The following DAB1 variants were observed in gnomAD, a reference collection of about 807,000 sequenced individuals.
DAB1 encodes DAB adaptor protein 1.
In DAB1, 15 loss-of-function variants were observed where a neutral mutation model predicts 64.6. That is an observed-to-expected ratio of 0.23 (90% CI 0.16 to 0.36). DAB1 has a LOEUF of 0.36. Among genes scored for constraint, DAB1 ranks in the 10% least tolerant of loss-of-function variants. DAB1 has a pLI of 1.00. For missense variants in DAB1, 596 were observed against 706.7 expected, an observed-to-expected ratio of 0.84 and a Z score of 1.78; for synonymous variants, 235 against 251.9, an observed-to-expected ratio of 0.93 and a Z score of 0.64.
At chr1:57,575,591 T>C (rs1278386435) in intron 7 of DAB1, among the ~76,000 whole-genome samples, 1 of 152,064 alleles carries the variant, frequency 6.6e-6, no homozygotes, top group African/African-American at 2.4e-5. Context: ...GATAAGACAG[T>C]GAAATGTTGC....
chr1:57,024,592 T>G (rs1178898673), intron 10 of DAB1, among the ~76,000 whole-genome samples: 1 of 152,216 alleles, frequency 6.6e-6, no homozygotes, highest in Non-Finnish European at 1.5e-5. Context: ...CCATTTGGAC[T>G]GCGCTTGGGT....
At chr1:58,303,102 A>G (rs1322616418) in intron 4 of DAB1, among the ~76,000 whole-genome samples, 1 of 152,172 alleles carries the variant, frequency 6.6e-6, no homozygotes, top group Non-Finnish European at 1.5e-5. Flanking sequence ...GGAGGCAGGA[A>G]GAAGTGGCTC....
chr1:57,734,753 CT>C (rs1250266201), intron 6 of DAB1, among the ~76,000 whole-genome samples: 1 of 152,154 alleles, frequency 6.6e-6, no homozygotes, highest in Non-Finnish European at 1.5e-5. Flanking sequence ...CAGTTCAGTT[CT>C]GTGTATATGA....
chr1:57,849,722 T>G (rs1653435812), intron 1 of DAB1, among the ~76,000 whole-genome samples: 1 of 152,196 alleles, frequency 6.6e-6, no homozygotes. Context: ...AAATAATATA[T>G]CCTTTGTGGA....
At chr1:57,872,655 A>G (rs1019866149) in intron 1 of DAB1, among the ~76,000 whole-genome samples, 1 of 152,140 alleles carries the variant, frequency 6.6e-6, no homozygotes, top group African/African-American at 2.4e-5. Flanking sequence ...TGTAACGGAC[A>G]GCTGGCCTTG....
chr1:57,340,229 C>A (rs950669578), intron 1 of DAB1, among the ~76,000 whole-genome samples: 1 of 152,146 alleles, frequency 6.6e-6, no homozygotes, highest in Non-Finnish European at 1.5e-5. Context: ...AAACACCAAA[C>A]AAAAATGCAG....
intron 6 of DAB1, among the ~76,000 whole-genome samples, chr1:57,782,627 AG>A (rs2101846450): frequency 6.6e-6 from 1 of 152,258 alleles, no homozygotes; most frequent in East Asian, 1.9e-4. Context: ...AAGTTGGCAA[AG>A]TTTTTTGTTT....
At chr1:57,935,753 A>C (rs1223833707) in intron 5 of DAB1, among the ~76,000 whole-genome samples, 1 of 152,090 alleles carries the variant, frequency 6.6e-6, no homozygotes, top group East Asian at 1.9e-4. Context: ...ACAACAAAAA[A>C]CGAGTGCATA....
At chr1:58,355,888 G>A (rs1368496638) in intron 3 of DAB1, among the ~76,000 whole-genome samples, 1 of 152,156 alleles carries the variant, frequency 6.6e-6, no homozygotes, top group Non-Finnish European at 1.5e-5. Flanking sequence ...CTGATCAGCT[G>A]TATTAATAGA....
At chr1:58,179,708 CT>C (rs1257877149) in intron 4 of DAB1, among the ~76,000 whole-genome samples, 4 of 151,604 alleles carry the variant, frequency 2.6e-5, no homozygotes, top group African/African-American at 9.7e-5. Context: ...TTTCATTTGC[CT>C]TTTGTCTCTT....
chr1:57,187,570 T>G (rs1375119143), intron 2 of DAB1, among the ~76,000 whole-genome samples: 1 of 152,204 alleles, frequency 6.6e-6, no homozygotes, highest in African/African-American at 2.4e-5. Flanking sequence ...TGCACTTCCC[T>G]TGGGGCTGAC....
At chr1:57,077,741 G>C (rs1469288620) in intron 4 of DAB1, among the ~76,000 whole-genome samples, 1 of 152,020 alleles carries the variant, frequency 6.6e-6, no homozygotes, top group African/African-American at 2.4e-5. Context: ...ATTAAATACA[G>C]TATGGATTAG....
At chr1:58,108,103 G>A (rs1356446716) in intron 5 of DAB1, among the ~76,000 whole-genome samples, 1 of 152,212 alleles carries the variant, frequency 6.6e-6, no homozygotes, top group Non-Finnish European at 1.5e-5. Context: ...GTGAGAAATT[G>A]AGACTTCATT....
At position 57,290,148 on chromosome 1, in the gene DAB1, A is replaced by C. The variant is rs371152642; in HGVS notation, c.67+816T>G. 1.9e-4 allele frequency among the ~76,000 whole-genome samples: 29 copies of C among 152,324 alleles called. No homozygotes were observed. The East Asian group carries it at 2.9e-3, about 15-fold the overall frequency. ...CACTAACCAAGTGCTAATGAAACAA[A>C]ACAAATAAAAACATTTACATCAATT... On this transcript the variant is annotated intron_variant, in intron 2 of 14. Coordinates refer to ENST00000371236, the MANE Select transcript of DAB1 (RefSeq NM_001365792.1).
intron 5 of DAB1, among the ~76,000 whole-genome samples, chr1:57,890,564 T>C (rs1282165133): frequency 6.6e-6 from 1 of 150,700 alleles, no homozygotes; most frequent in Non-Finnish European, 1.5e-5. Context: ...CAAACAATCC[T>C]CTTCCATCAG....
chr1:58,121,878 TTAAG>T (rs1652758654), intron 5 of DAB1, among the ~76,000 whole-genome samples: 1 of 152,228 alleles, frequency 6.6e-6, no homozygotes, highest in Admixed American at 6.5e-5. Flanking sequence ...CCTTGCCTTC[TTAAG>T]TAGAAGCGAA....
intron 7 of DAB1, among the ~76,000 whole-genome samples, chr1:57,534,961 T>C (rs370614155): frequency 5.9e-5 from 9 of 152,192 alleles, no homozygotes; most frequent in Non-Finnish European, 1.0e-4. Context: ...TAATCCCAGA[T>C]GCTGCCACAG....
At chr1:58,288,100 TAG>T (rs751870895) in intron 4 of DAB1, among the ~76,000 whole-genome samples, 27 of 147,698 alleles carry the variant, frequency 1.8e-4, no homozygotes, top group Non-Finnish European at 3.9e-4. Flanking sequence ...AACTTAAATA[TAG>T]AGTCTTTTAA....
chr1:57,204,587 T>C (rs1185564151), intron 2 of DAB1, among the ~76,000 whole-genome samples: 1 of 152,212 alleles, frequency 6.6e-6, no homozygotes, highest in Non-Finnish European at 1.5e-5. Context: ...GTTTGATTTC[T>C]GACTTGGGCA....
Sources: allele counts gnomAD v4.1 joint callset (sites outside exome capture counted in the v4.1 genomes callset), GRCh38; gene constraint gnomAD v4.1.1; transcripts MANE v1.5; gene names NCBI Gene and HGNC (gene_info 2026-07-23, HGNC 2026-07-21).